Variants in TACR1 observed in about 807,000 individuals in gnomAD.
TACR1 encodes tachykinin receptor 1.
A neutral mutation model predicts 35.8 loss-of-function variants in TACR1; 25 were observed. The observed-to-expected ratio is 0.70, with a 90% CI of 0.51 to 0.98. The LOEUF (loss-of-function observed/expected upper bound fraction) is 0.98, where lower values mean the gene tolerates loss of function less well. TACR1 is among the 50% of genes least tolerant of loss of function. The probability of loss-of-function intolerance (pLI) is 0.00; values close to 1 mark genes in which losing one functional copy is unlikely to be tolerated. For missense variants in TACR1, 478 were observed against 522.9 expected, an observed-to-expected ratio of 0.91 and a Z score of 0.84; for synonymous variants, 195 against 206.7, an observed-to-expected ratio of 0.94 and a Z score of 0.48.
At chr2:75,128,645 A>G (rs1674122300) in intron 1 of TACR1, among the ~76,000 whole-genome samples, 2 of 152,120 alleles carry the variant, frequency 1.3e-5, no homozygotes, top group African/African-American at 4.8e-5. Flanking sequence ...GCAGGAAGAC[A>G]GAGCGCGCAT....
intron 1 of TACR1, among the ~76,000 whole-genome samples, chr2:75,157,016 A>C (rs780289598): frequency 1.3e-5 from 2 of 152,146 alleles, no homozygotes; most frequent in Non-Finnish European, 1.5e-5. Flanking sequence ...TGGGTGCTCC[A>C]TCCATTTCTC....
intron 1 of TACR1, among the ~76,000 whole-genome samples, chr2:75,134,498 A>C (rs747914498): frequency 1.3e-5 from 2 of 152,226 alleles, no homozygotes; most frequent in East Asian, 3.8e-4. Flanking sequence ...CATTAGAAGC[A>C]TGAGCAGACA....
intron 2 of TACR1, among the ~76,000 whole-genome samples, chr2:75,107,006 G>C (rs1426992328): frequency 6.6e-6 from 1 of 151,734 alleles, no homozygotes; most frequent in Non-Finnish European, 1.5e-5. Flanking sequence ...CTGTATGTAA[G>C]AGGAATTCTC....
intron 1 of TACR1, among the ~76,000 whole-genome samples, chr2:75,129,380 A>G (rs975797836): frequency 2.0e-5 from 3 of 152,230 alleles, no homozygotes; most frequent in Non-Finnish European, 4.4e-5. Flanking sequence ...GTTATTAAAT[A>G]ATTAATGCTC....
intron 2 of TACR1, among the ~76,000 whole-genome samples, chr2:75,079,602 T>G (rs978288592): frequency 6.6e-6 from 1 of 152,194 alleles, no homozygotes; most frequent in Admixed American, 6.5e-5. Flanking sequence ...TACCTTGTGA[T>G]TTTCTGCCTC....
chr2:75,072,668 T>G (rs1009488313), intron 2 of TACR1, among the ~76,000 whole-genome samples: 1 of 152,202 alleles, frequency 6.6e-6, no homozygotes, highest in African/African-American at 2.4e-5. Flanking sequence ...GAAGGGCATG[T>G]GCACTCCACT....
At position 75,133,332 on chromosome 2, in the gene TACR1, ATTTTTCT is replaced by A. The variant is rs570559575; in HGVS notation, c.390-12571_390-12565del. Among the ~76,000 whole-genome samples, 799 of 152,130 alleles carry A rather than the reference ATTTTTCT, an allele frequency of 5.3e-3. 4 individuals carry two copies. Among genetic ancestry groups the A allele is most frequent in the Non-Finnish European group, 8.5e-3 (578 of 67,990 alleles). ...TCACTTTGCTGCTGTCTTATTTTTCATTTTTCTTTTGTCTAATTTTTCCAAGTAAAAA... is the reference window on the plus strand; with the variant it reads ...TCACTTTGCTGCTGTCTTATTTTTCATTTGTCTAATTTTTCCAAGTAAAAA... On this transcript the variant is annotated intron_variant, in intron 1 of 4. Transcript: ENST00000305249.
At chr2:75,181,503 G>A (rs1238853671) in intron 1 of TACR1, among the ~76,000 whole-genome samples, 1 of 152,122 alleles carries the variant, frequency 6.6e-6, no homozygotes, top group East Asian at 1.9e-4. Context: ...AAAAACCATA[G>A]TGGATTTAAC....
intron 1 of TACR1, among the ~76,000 whole-genome samples, chr2:75,147,147 TGCCA>T (rs1674531555): frequency 6.6e-6 from 1 of 152,238 alleles, no homozygotes; most frequent in Non-Finnish European, 1.5e-5. Context: ...TCTAAGCAGA[TGCCA>T]GCACTTAAAT....
intron 2 of TACR1, among the ~76,000 whole-genome samples, chr2:75,056,230 C>T (rs1378074103): frequency 2.0e-5 from 3 of 152,172 alleles, no homozygotes; most frequent in East Asian, 1.9e-4. Flanking sequence ...CCCTGCAGCT[C>T]AGGGAGGGAC....
At chr2:75,113,569 C>G (rs764952071) in intron 2 of TACR1, among the ~76,000 whole-genome samples, 1 of 70,726 alleles carries the variant, frequency 1.4e-5, no homozygotes, top group South Asian at 4.3e-4. Flanking sequence ...TTTGTTCACT[C>G]TGATTTCTGT....
chr2:75,136,711 A>C (rs1674299644), intron 1 of TACR1, among the ~76,000 whole-genome samples: 2 of 152,218 alleles, frequency 1.3e-5, no homozygotes, highest in Admixed American at 1.3e-4. Context: ...ATCACACTTG[A>C]TTATTGTGAA....
At chr2:75,062,796 T>G (rs977522429) in intron 2 of TACR1, among the ~76,000 whole-genome samples, 1 of 152,234 alleles carries the variant, frequency 6.6e-6, no homozygotes, top group African/African-American at 2.4e-5. Flanking sequence ...CTGGGCACTA[T>G]CAGGTATCAT....
intron 1 of TACR1, among the ~76,000 whole-genome samples, chr2:75,149,805 CT>C (rs778614207): frequency 1.3e-5 from 2 of 152,106 alleles, no homozygotes; most frequent in Non-Finnish European, 2.9e-5. Flanking sequence ...AGAGGGCATC[CT>C]TGTCTTGTGC....
chr2:75,138,089 C>T (rs182708267), intron 1 of TACR1, among the ~76,000 whole-genome samples: 126 of 152,294 alleles, frequency 8.3e-4, no homozygotes, highest in Middle Eastern at 3.4e-3. Context: ...TGTCCCTTGA[C>T]GACAGGTGAG....
At chr2:75,143,087 G>C (rs1007387387) in intron 1 of TACR1, among the ~76,000 whole-genome samples, 1 of 152,058 alleles carries the variant, frequency 6.6e-6, no homozygotes, top group African/African-American at 2.4e-5. Context: ...TGCTAACAAG[G>C]GAGGGAGGAA....
chr2:75,137,575 C>A (rs1356461205), intron 1 of TACR1, among the ~76,000 whole-genome samples: 1 of 151,380 alleles, frequency 6.6e-6, no homozygotes, highest in East Asian at 1.9e-4. Flanking sequence ...AACACAAAAT[C>A]AAACTTAGCT....
Position 75,049,658 on chromosome 2 carries a change from C to G in TACR1, c.998G>C (p.Gly333Ala). 6.2e-7 allele frequency: 1 copy of G among 1,614,058 alleles called. No individual in the cohort carries two copies. The highest frequency in any genetic ancestry group is 1.1e-5 in the South Asian group (1 of 91,078). ...ATACCGGGTGGATTTCATTTCCAGC[C>G]CCTCATAGTCGCCGGCGCTGATGAA... Reference protein sequence around the residue: ...CPFISAGDYEGLEMKSTRYLQ... With the variant: ...CPFISAGDYEALEMKSTRYLQ... Residue 333 changes from glycine to alanine, a missense_variant, in exon 5 of 5, where the codon GGG becomes GCG. Transcript: ENST00000305249.
At chr2:75,175,031 G>C (rs1675379818) in intron 1 of TACR1, among the ~76,000 whole-genome samples, 1 of 152,194 alleles carries the variant, frequency 6.6e-6, no homozygotes, top group South Asian at 2.1e-4. Flanking sequence ...AGGCTACTGA[G>C]TTCCAAGTAA....
Sources: gnomAD v4.1 joint callset for allele counts (sites outside exome capture counted in the v4.1 genomes callset) on GRCh38, gnomAD v4.1.1 for gene constraint, MANE v1.5 for transcripts, NCBI Gene and HGNC (gene_info 2026-07-23, HGNC 2026-07-21) for gene names.